Variants in DACH1 observed in about 807,000 individuals in gnomAD.
DACH1 encodes dachshund homolog 1.
Under a neutral mutation model 54.2 loss-of-function variants are expected in DACH1, and 12 were observed. The observed-to-expected ratio is 0.22, with a 90% CI of 0.14 to 0.36. DACH1 has a LOEUF of 0.36. Ranked by LOEUF, DACH1 falls within the 10% of genes least tolerant of loss-of-function variation. DACH1 has a pLI of 1.00. For synonymous variants in DACH1, 386 were observed against 366.2 expected (o/e 1.05, Z -0.62); for missense variants, 805 against 929.8 (o/e 0.87, Z 1.75).
At chr13:71,530,189 C>A (rs1349453360) in intron 6 of DACH1, among the ~76,000 whole-genome samples, 2 of 152,012 alleles carry the variant, frequency 1.3e-5, no homozygotes, top group Admixed American at 1.3e-4. Context: ...ACTTGGAACA[C>A]TAGAGAAAAT....
intron 1 of DACH1, among the ~76,000 whole-genome samples, chr13:71,854,520 T>C (rs1402207314): frequency 4.6e-5 from 7 of 152,102 alleles, no homozygotes; most frequent in African/African-American, 1.7e-4. Flanking sequence ...GTTTTTAACG[T>C]GTCTTTATTT....
chr13:71,742,085 A>C (rs1374261039), intron 1 of DACH1, among the ~76,000 whole-genome samples: 1 of 152,134 alleles, frequency 6.6e-6, no homozygotes, highest in Non-Finnish European at 1.5e-5. Context: ...AGTCTCACAG[A>C]ATCTGATAGG....
At chr13:71,715,429 A>G (rs1008417031) in intron 1 of DACH1, among the ~76,000 whole-genome samples, 1 of 152,146 alleles carries the variant, frequency 6.6e-6, no homozygotes. Flanking sequence ...CACAAAGGAA[A>G]AAGATGGCTG....
chr13:71,734,161 G>A (rs12868807), intron 1 of DACH1, among the ~76,000 whole-genome samples: 62,658 of 89,242 alleles, frequency 0.7, 24,661 homozygotes, highest in Non-Finnish European at 0.83. Context: ...TCCCATATAC[G>A]TATACCCCAT....
intron 3 of DACH1, among the ~76,000 whole-genome samples, chr13:71,587,610 A>G (rs1388530447): frequency 1.3e-5 from 2 of 151,762 alleles, no homozygotes; most frequent in African/African-American, 4.9e-5. Context: ...GTGATTTTTT[A>G]TGATATTTCA....
chr13:71,575,933 T>C (rs1337207810), intron 3 of DACH1, among the ~76,000 whole-genome samples: 5 of 152,142 alleles, frequency 3.3e-5, no homozygotes, highest in Admixed American at 2.6e-4. Context: ...CCTTTTCCTC[T>C]ATTAGCATGA....
chr13:71,620,023 G>A (rs551702037), intron 3 of DACH1, among the ~76,000 whole-genome samples: 21 of 151,864 alleles, frequency 1.4e-4, no homozygotes, highest in Non-Finnish European at 2.9e-4. Flanking sequence ...ACTGTAGGAG[G>A]CTGAGATTCA....
chr13:71,837,055 T>C (rs1368947847), intron 1 of DACH1, among the ~76,000 whole-genome samples: 3 of 151,824 alleles, frequency 2.0e-5, no homozygotes. Flanking sequence ...ATTCTAGTAG[T>C]AACAGGAGAG....
chr13:71,602,986 T>C (rs1874614904), intron 3 of DACH1, among the ~76,000 whole-genome samples: 2 of 152,114 alleles, frequency 1.3e-5, no homozygotes, highest in African/African-American at 4.8e-5. Flanking sequence ...TAAAATACAC[T>C]TTATTCAATT....
At chr13:71,502,074 A>G (rs962902855) in intron 6 of DACH1, among the ~76,000 whole-genome samples, 1 of 152,166 alleles carries the variant, frequency 6.6e-6, no homozygotes, top group African/African-American at 2.4e-5. Context: ...ATACATTAAT[A>G]TGTGCATTCA....
chr13:71,806,009 G>A (rs986458678), intron 1 of DACH1, among the ~76,000 whole-genome samples: 3 of 152,096 alleles, frequency 2.0e-5, no homozygotes, highest in African/African-American at 7.2e-5. Context: ...GTTTCTCCAT[G>A]TTGGTCAGGC....
rs1025349555 is a variant in DACH1, at chr13:71,438,412, G to C, written c.*2243C>G. 2.0e-5 allele frequency: 3 copies of C among 152,280 alleles called. No individual in the cohort carries two copies. The highest frequency in any genetic ancestry group is 4.4e-5 in the Non-Finnish European group (3 of 67,836). 9.4% of individuals were successfully genotyped at this position (152,280 alleles called of 1,614,324 possible). The stretch of plus-strand genomic sequence containing the variant: ...ATAACTAAAACAGGGAAAAAATTAA[G>C]TTACAGACTTACAATAACATTTCAT... On this transcript the variant is annotated 3_prime_UTR_variant, in exon 11 of 11. Transcript: ENST00000613252.
At chr13:71,596,777 G>A (rs1048890274) in intron 3 of DACH1, among the ~76,000 whole-genome samples, 3 of 152,134 alleles carry the variant, frequency 2.0e-5, no homozygotes, top group Admixed American at 2.0e-4. Flanking sequence ...AGGTTAATGA[G>A]GGGAAAATTA....
At chr13:71,517,710 TC>T (rs1435724007) in intron 6 of DACH1, among the ~76,000 whole-genome samples, 1 of 151,898 alleles carries the variant, frequency 6.6e-6, no homozygotes, top group East Asian at 1.9e-4. Context: ...GGCCAAAGTC[TC>T]CTGCATGAGC....
intron 6 of DACH1, among the ~76,000 whole-genome samples, chr13:71,507,868 A>G (rs926944469): frequency 2.0e-5 from 3 of 152,190 alleles, no homozygotes; most frequent in African/African-American, 7.2e-5. Flanking sequence ...TGCCAATGTT[A>G]ATATATTTTC....
chr13:71,791,033 G>T (rs887945763), intron 1 of DACH1, among the ~76,000 whole-genome samples: 1 of 152,252 alleles, frequency 6.6e-6, no homozygotes, highest in South Asian at 2.1e-4. Flanking sequence ...ATCCAGTAAC[G>T]AAACAGCTGA....
At chr13:71,465,740 TA>T (rs1471206144) in intron 10 of DACH1, among the ~76,000 whole-genome samples, 1 of 152,116 alleles carries the variant, frequency 6.6e-6, no homozygotes, top group Non-Finnish European at 1.5e-5. Flanking sequence ...CTATACTGTA[TA>T]AAAATGCTTA....
intron 1 of DACH1, among the ~76,000 whole-genome samples, chr13:71,842,249 T>C (rs571669797): frequency 6.6e-6 from 1 of 152,236 alleles, no homozygotes; most frequent in East Asian, 1.9e-4. Context: ...CAAAAAATAA[T>C]ACTGATAGCA....
At chr13:71,640,524 A>G (rs1184302206) in intron 2 of DACH1, among the ~76,000 whole-genome samples, 1 of 152,102 alleles carries the variant, frequency 6.6e-6, no homozygotes, top group Non-Finnish European at 1.5e-5. Flanking sequence ...ATATAAAACA[A>G]ATTCCAACCA....
Sources: allele counts gnomAD v4.1 joint callset (sites outside exome capture counted in the v4.1 genomes callset), GRCh38; gene constraint gnomAD v4.1.1; transcripts MANE v1.5; gene names NCBI Gene and HGNC (gene_info 2026-07-23, HGNC 2026-07-21).